ILDR1: variants seen among roughly 807,000 people sequenced by gnomAD.
ILDR1 encodes immunoglobulin-like domain-containing receptor 1.
Under a neutral mutation model 62.4 loss-of-function variants are expected in ILDR1, and 56 were observed. The observed-to-expected ratio is 0.90, with a 90% CI of 0.72 to 1.12. The LOEUF (loss-of-function observed/expected upper bound fraction) is 1.12. Among genes scored for constraint, ILDR1 ranks in the 50% most tolerant of loss-of-function variants. The pLI, the probability that ILDR1 is intolerant of heterozygous loss-of-function variation, is 0.00. For synonymous variants in ILDR1, 284 were observed against 277.8 expected, an observed-to-expected ratio of 1.02 and a Z score of -0.22; for missense variants, 736 against 710.6, an observed-to-expected ratio of 1.04 and a Z score of -0.41.
the ILDR1 span, among the ~76,000 whole-genome samples, chr3:122,046,779 T>C: frequency 7.3e-6 from 1 of 137,308 alleles, no homozygotes; most frequent in Non-Finnish European, 1.6e-5. Flanking sequence ...TCAGCTCCTT[T>C]AAGCACTTCC....
At chr3:122,037,088 A>C in the ILDR1 span, among the ~76,000 whole-genome samples, 1 of 152,264 alleles carries the variant, frequency 6.6e-6, no homozygotes. Context: ...CTGGATGTTC[A>C]GGCAGAAGTC....
intron 1 of ILDR1, among the ~76,000 whole-genome samples, chr3:122,009,367 G>A (rs113202306): frequency 0.022 from 1,250 of 58,006 alleles, 19 homozygotes; most frequent in African/African-American, 0.06. Context: ...ACACACACAG[G>A]CTTTAGATTC....
chr3:122,025,494 A>G (rs894453319), upstream of ILDR1, among the ~76,000 whole-genome samples: 1 of 152,186 alleles, frequency 6.6e-6, no homozygotes, highest in Non-Finnish European at 1.5e-5. Flanking sequence ...TCAGAACACA[A>G]TACCCTTCAC....
chr3:122,055,003 G>C, the ILDR1 span, among the ~76,000 whole-genome samples: 1 of 151,660 alleles, frequency 6.6e-6, no homozygotes, highest in Admixed American at 6.6e-5. Flanking sequence ...GGCAGGGTTA[G>C]GTGGCTACTC....
At chr3:122,020,965 C>A (rs1171589803) in intron 1 of ILDR1, among the ~76,000 whole-genome samples, 1 of 152,164 alleles carries the variant, frequency 6.6e-6, no homozygotes, top group African/African-American at 2.4e-5. Flanking sequence ...ATGGTAGAAT[C>A]CTGTCTGAAT....
In ILDR1 at chr3:121,988,219, T is replaced by C. The variant is rs1037619352; in HGVS notation, c.*148A>G. 1.4e-6 allele frequency: 1 copy of C among 725,494 alleles called. No homozygotes were observed. The highest frequency in any genetic ancestry group is 1.7e-5 in the African/African-American group (1 of 57,382). 44.9% of individuals were successfully genotyped at this position (725,494 alleles called of 1,614,324 possible). ...CTATACCCAATCTCAAACTCTTGTA[T>C]TTAAAATTCTTCTATTTGATTCTCA... On this transcript the variant is annotated 3_prime_UTR_variant, in exon 8 of 8. Coordinates refer to ENST00000344209, the MANE Select transcript of ILDR1 (RefSeq NM_001199799.2).
chr3:122,017,256 C>T (rs1472028480), intron 1 of ILDR1, among the ~76,000 whole-genome samples: 1 of 152,030 alleles, frequency 6.6e-6, no homozygotes, highest in African/African-American at 2.4e-5. Flanking sequence ...GCCATGTTGG[C>T]CAGGCTGGTC....
At chr3:122,047,695 C>G in the ILDR1 span, among the ~76,000 whole-genome samples, 1 of 152,212 alleles carries the variant, frequency 6.6e-6, no homozygotes, top group Non-Finnish European at 1.5e-5. Flanking sequence ...GTCTGTCACC[C>G]CTTTCTTTGA....
rs773364992 is a variant in ILDR1 at position 121,987,545 on chromosome 3, A to G, written c.*822T>C. ...AAACTGCTTCTCTGTGATTTTCTACACTTACAATAAATAGTCCATTTATGG... is the reference window on the plus strand; with the variant it reads ...AAACTGCTTCTCTGTGATTTTCTACGCTTACAATAAATAGTCCATTTATGG... On this transcript the variant is annotated 3_prime_UTR_variant, in exon 8 of 8. Transcript: ENST00000344209. 7 of 152,236 alleles carry G rather than the reference A, an allele frequency of 4.6e-5. No individual in the cohort carries two copies. Among genetic ancestry groups the G allele is most frequent in the Non-Finnish European group, 8.8e-5 (6 of 68,062 alleles). The allele number at this position is 152,236 out of a possible 1,614,324, so 9.4% of individuals were successfully genotyped here.
intron 1 of ILDR1, among the ~76,000 whole-genome samples, chr3:122,013,543 T>G (rs1378152318): frequency 2.4e-4 from 37 of 152,182 alleles, no homozygotes; most frequent in Non-Finnish European, 8.8e-5. Flanking sequence ...CTGAGCAGGC[T>G]ATCTCACCAA....
At chr3:122,044,854 C>A in the ILDR1 span, among the ~76,000 whole-genome samples, 1 of 151,554 alleles carries the variant, frequency 6.6e-6, no homozygotes, top group Admixed American at 6.6e-5. Flanking sequence ...TTTGTTGATC[C>A]TTTCAAAAAA....
chr3:122,029,511 A>ATATATATATATATATAT, the ILDR1 span, among the ~76,000 whole-genome samples: 534 of 139,358 alleles, frequency 3.8e-3, 5 homozygotes, highest in African/African-American at 0.014. Flanking sequence ...GTCTAAAAAA[A>ATATATATATATATATAT]ATATATATAT....
intron 1 of ILDR1, among the ~76,000 whole-genome samples, chr3:122,012,132 T>C (rs1276341162): frequency 2.6e-5 from 4 of 152,168 alleles, no homozygotes; most frequent in African/African-American, 9.7e-5. Context: ...CTATATCCTC[T>C]AACTTCTCTG....
the ILDR1 span, among the ~76,000 whole-genome samples, chr3:122,034,127 A>C: frequency 6.6e-6 from 1 of 152,236 alleles, no homozygotes; most frequent in East Asian, 1.9e-4. Flanking sequence ...GAAATTTCAC[A>C]TACCCTTTAT....
At chr3:122,020,297 G>C (rs1169437515) in intron 1 of ILDR1, among the ~76,000 whole-genome samples, 1 of 152,184 alleles carries the variant, frequency 6.6e-6, no homozygotes, top group Admixed American at 6.5e-5. Flanking sequence ...TATGAGATAT[G>C]TACTATAATA....
chr3:122,035,487 C>T, the ILDR1 span, among the ~76,000 whole-genome samples: 2 of 152,162 alleles, frequency 1.3e-5, no homozygotes, highest in Non-Finnish European at 2.9e-5. Context: ...TGTCCCTGCT[C>T]AAATCTTATG....
chr3:122,001,265 T>A, intron 5 of ILDR1, 43 bp downstream of exon 5: 1 of 1,611,958 alleles, frequency 6.2e-7, no homozygotes, highest in East Asian at 2.2e-5. Context: ...GACGTCCTGG[T>A]CCCTAATCCA....
chr3:122,024,500 T>C (rs1164078392), upstream of ILDR1, among the ~76,000 whole-genome samples: 8 of 152,334 alleles, frequency 5.3e-5, no homozygotes, highest in East Asian at 1.5e-3. Context: ...ACTTATCCAG[T>C]TGAACATCTA....
intron 2 of ILDR1, 82 bp downstream of exon 2, chr3:122,006,909 T>C (rs1409512097): frequency 6.9e-7 from 1 of 1,440,126 alleles, no homozygotes; most frequent in African/African-American, 1.4e-5. Context: ...TTTGTAATCC[T>C]AAATAATCCC....
Sources: allele counts gnomAD v4.1 joint callset (sites outside exome capture counted in the v4.1 genomes callset), GRCh38; gene constraint gnomAD v4.1.1; transcripts MANE v1.5; gene names NCBI Gene and HGNC (gene_info 2026-07-23, HGNC 2026-07-21).